The following PLD5 variants were observed in gnomAD, a reference collection of about 807,000 sequenced individuals.
PLD5 encodes phospholipase D family member 5, also known as inactive phospholipase D5.
PLD5 carries 36 observed loss-of-function variants against 61.1 expected under a neutral mutation model. The observed-to-expected ratio is 0.59, with a 90% CI of 0.45 to 0.78. The LOEUF (loss-of-function observed/expected upper bound fraction) is 0.78, where lower values mean the gene tolerates loss of function less well. Among genes scored for constraint, PLD5 ranks in the 30% least tolerant of loss-of-function variants. The pLI is 0.00. For synonymous variants in PLD5, 243 were observed against 242.8 expected (o/e 1.00, Z -0.01); for missense variants, 515 against 644.4 (o/e 0.80, Z 2.17).
At chr1:242,123,119 A>G (rs1210438160) in intron 6 of PLD5, among the ~76,000 whole-genome samples, 1 of 152,194 alleles carries the variant, frequency 6.6e-6, no homozygotes, top group African/African-American at 2.4e-5. Context: ...TTCGTAGCCA[A>G]TTCTTAAGTA....
intron 5 of PLD5, among the ~76,000 whole-genome samples, chr1:242,211,367 G>T (rs1226589652): frequency 1.1e-4 from 16 of 152,164 alleles, no homozygotes; most frequent in Non-Finnish European, 1.6e-4. Context: ...GGAATGTAAA[G>T]TATTTTATCT....
At chr1:242,165,080 A>T (rs1452817468) in intron 5 of PLD5, among the ~76,000 whole-genome samples, 2 of 152,108 alleles carry the variant, frequency 1.3e-5, no homozygotes, top group Middle Eastern at 3.2e-3. Context: ...TCTCTCTCAG[A>T]TGAAATAGCT....
At chr1:242,169,744 G>A (rs934212668) in intron 5 of PLD5, among the ~76,000 whole-genome samples, 11 of 152,208 alleles carry the variant, frequency 7.2e-5, no homozygotes, top group African/African-American at 2.7e-4. Flanking sequence ...CAGCTTCGTT[G>A]TGGGAGGGGA....
At chr1:242,439,808 T>A (rs900655712) in intron 1 of PLD5, among the ~76,000 whole-genome samples, 8 of 152,134 alleles carry the variant, frequency 5.3e-5, no homozygotes, top group Non-Finnish European at 8.8e-5. Context: ...ACACCTGCAA[T>A]AAGTGCTAAA....
intron 5 of PLD5, among the ~76,000 whole-genome samples, chr1:242,211,075 A>G (rs1372327784): frequency 6.6e-6 from 1 of 152,248 alleles, no homozygotes; most frequent in East Asian, 1.9e-4. Context: ...AAGCTGCAGT[A>G]GTTATCCAGG....
At chr1:242,411,360 C>T (rs529411450) in intron 1 of PLD5, among the ~76,000 whole-genome samples, 13 of 152,278 alleles carry the variant, frequency 8.5e-5, no homozygotes, top group African/African-American at 2.4e-4. Context: ...CTCAGCCTCC[C>T]GAGTAGCTGG....
chr1:242,525,472 G>C (rs371485411), upstream of PLD5, among the ~76,000 whole-genome samples: 25 of 152,322 alleles, frequency 1.6e-4, no homozygotes, highest in East Asian at 2.5e-3. Flanking sequence ...TTTTCCTTCG[G>C]GGCCCAGCCA....
At chr1:242,277,429 C>T (rs1272811209) in intron 3 of PLD5, among the ~76,000 whole-genome samples, 1 of 136,128 alleles carries the variant, frequency 7.3e-6, no homozygotes, top group African/African-American at 2.7e-5. Flanking sequence ...AGCTCAGATA[C>T]CCTATCCTTA....
At chr1:242,478,710 G>A (rs1423665185) in intron 1 of PLD5, among the ~76,000 whole-genome samples, 2 of 152,100 alleles carry the variant, frequency 1.3e-5, no homozygotes, top group Non-Finnish European at 2.9e-5. Context: ...CTAGGCATCG[G>A]GCAGATGTAA....
At chr1:242,506,622 C>T (rs912298755) in intron 1 of PLD5, among the ~76,000 whole-genome samples, 2 of 152,112 alleles carry the variant, frequency 1.3e-5, no homozygotes, top group African/African-American at 4.8e-5. Context: ...TCAATTCCAC[C>T]ATAAAGCTTT....
intron 1 of PLD5, among the ~76,000 whole-genome samples, chr1:242,363,401 T>C (rs1297719889): frequency 4.0e-5 from 6 of 149,214 alleles, no homozygotes; most frequent in Non-Finnish European, 8.9e-5. Flanking sequence ...CACAGTAGCC[T>C]GCGAACAGCC....
Position 242,393,507 on chromosome 1 carries a change from TGA to T in PLD5, c.190-45267_190-45266del, listed in dbSNP as rs1477817603. Among the ~76,000 whole-genome samples the T allele has an allele frequency of 2.6e-3, 4 of 1,558 alleles. 2 individuals are homozygous for T. Among genetic ancestry groups the T allele is most frequent in the African/African-American group, 0.01 (2 of 192 alleles). The allele number at this position is 1,558 out of a possible 152,430, so 1.0% of individuals were successfully genotyped here. On this transcript the variant is annotated intron_variant, in intron 1 of 9. Coordinates refer to ENST00000536534, the MANE Select transcript of PLD5 (RefSeq NM_001372062.1). The stretch of plus-strand genomic sequence containing the variant: ...ATATGAGTATATATATGTGTATATA[TGA>T]GTATATATATATGTGTATATATGTG...
intron 5 of PLD5, among the ~76,000 whole-genome samples, chr1:242,180,333 AATT>A (rs560546628): frequency 3.7e-4 from 57 of 152,264 alleles, no homozygotes; most frequent in Admixed American, 1.7e-3. Context: ...ACTGACCAGA[AATT>A]ATTATTGAAA....
intron 5 of PLD5, among the ~76,000 whole-genome samples, chr1:242,193,704 G>T (rs1381017523): frequency 1.3e-5 from 2 of 152,204 alleles, no homozygotes; most frequent in Non-Finnish European, 2.9e-5. Context: ...CAGTTGCCTT[G>T]GTTTAGCCAC....
chr1:242,502,748 T>C (rs565825567), intron 1 of PLD5, among the ~76,000 whole-genome samples: 5 of 152,076 alleles, frequency 3.3e-5, no homozygotes, highest in African/African-American at 4.8e-5. Context: ...ATGGAGAAGA[T>C]AGAAAGAAGT....
At chr1:242,381,786 C>T (rs78304837) in intron 1 of PLD5, among the ~76,000 whole-genome samples, 50,644 of 152,002 alleles carry the variant, frequency 0.33, 8,704 homozygotes, top group South Asian at 0.47. Flanking sequence ...CCCCACTTAA[C>T]TCCAAACCCA....
intron 5 of PLD5, among the ~76,000 whole-genome samples, chr1:242,136,626 G>A (rs1387485875): frequency 6.6e-6 from 1 of 152,158 alleles, no homozygotes; most frequent in Non-Finnish European, 1.5e-5. Flanking sequence ...CTACTCTGCT[G>A]AGGCTATGGT....
chr1:242,151,185 G>A (rs1297475098), intron 5 of PLD5, among the ~76,000 whole-genome samples: 4 of 151,272 alleles, frequency 2.6e-5, no homozygotes, highest in South Asian at 2.1e-4. Context: ...TATAGACATC[G>A]GTTATCTTTT....
At chr1:242,494,325 G>A (rs551869664) in intron 1 of PLD5, among the ~76,000 whole-genome samples, 2 of 152,218 alleles carry the variant, frequency 1.3e-5, no homozygotes, top group African/African-American at 2.4e-5. Flanking sequence ...CCATTTAAAT[G>A]CTCCACAGAG....
Sources: allele counts gnomAD v4.1 joint callset (sites outside exome capture counted in the v4.1 genomes callset), GRCh38; gene constraint gnomAD v4.1.1; transcripts MANE v1.5; gene names NCBI Gene and HGNC (gene_info 2026-07-23, HGNC 2026-07-21).